The following ABCC1 variants were observed in gnomAD, a reference collection of about 807,000 sequenced individuals.
The protein encoded by ABCC1 is multidrug resistance-associated protein 1.
A neutral mutation model predicts 172.9 loss-of-function variants in ABCC1; 83 were observed. The ratio of observed to expected loss-of-function variants is 0.48; its 90% CI spans 0.40 to 0.58. ABCC1 has a LOEUF of 0.58. Ranked by LOEUF, ABCC1 falls within the 20% of genes least tolerant of loss-of-function variation. ABCC1 has a pLI of 0.00. For synonymous variants in ABCC1, 937 were observed against 825.2 expected (o/e 1.14, Z -2.32); for missense variants, 1,817 against 2,002.7 (o/e 0.91, Z 1.77).
chr16:16,107,072 A>G (rs1370840898), intron 21 of ABCC1, among the ~76,000 whole-genome samples, 199 bp downstream of exon 21: 4 of 152,176 alleles, frequency 2.6e-5, no homozygotes, highest in African/African-American at 2.4e-5. Flanking sequence ...GGTCAGCGGC[A>G]GAACTGGGAT....
At chr16:16,006,892 T>C (rs2047556657) in intron 1 of ABCC1, among the ~76,000 whole-genome samples, 1 of 150,040 alleles carries the variant, frequency 6.7e-6, no homozygotes, top group Non-Finnish European at 1.5e-5. Context: ...ATGGTGGTGG[T>C]GATGGTGGCG....
At chr16:16,097,274 G>A (rs1214031755) in intron 19 of ABCC1, among the ~76,000 whole-genome samples, 17 of 152,074 alleles carry the variant, frequency 1.1e-4, no homozygotes, top group Admixed American at 8.5e-4. Flanking sequence ...CACCACGCCC[G>A]GCTAATTTTT....
rs745766685 is a variant in ABCC1, at chr16:16,134,460, C to G, written c.4077C>G (p.Ala1359=). Residue 1359 remains alanine, a synonymous_variant, in exon 28 of 31, where the codon GCC becomes GCG. Transcript: ENST00000399410. ...TCATCATCGATGGCATCAACATCGC[C>G]AAGATCGGCCTGCACGACCTCCGCT... The part of the protein sequence containing the change: ...GEIIIDGINI[A]KIGLHDLRFK... The G allele has an allele frequency of 1.5e-5, 24 of 1,614,016 alleles. No individual in the cohort carries two copies. The Middle Eastern group carries it at 6.6e-4, about 44-fold the overall frequency.
At position 16,138,866 on chromosome 16, in the gene ABCC1, C is replaced by T. The variant is rs376227297; in HGVS notation, c.4487+308C>T. On this transcript the variant is annotated intron_variant, in intron 30 of 30. Transcript: ENST00000399410. ...CTGGAACTACAGGAATGTGCCACCA[C>T]GCCCATCTAACTTTTATATTTTTAG... 5.2e-4 allele frequency among the ~76,000 whole-genome samples: 79 copies of T among 152,138 alleles called. No homozygotes were observed. In the Middle Eastern group the frequency reaches 0.01, roughly 20 times the overall value.
chr16:16,122,195 G>A, intron 24 of ABCC1, 21 bp downstream of exon 24: 6 of 1,613,420 alleles, frequency 3.7e-6, no homozygotes, highest in Non-Finnish European at 5.1e-6. Context: ...TGGGCCTGCA[G>A]GAGCGGGTGG....
rs1455851312 is a variant in ABCC1 at position 16,036,494 on chromosome 16, C to T, written c.700C>T (p.Gln234Ter). 1 of 1,613,838 alleles carries T rather than the reference C, an allele frequency of 6.2e-7. No individual in the cohort carries two copies. ...ITGLIVRGYR[Q>*]PLEGSDLWSL... is the part of the protein sequence containing the mutation. ...CAGGTTGATTGTCCGGGGCTACCGC[C>T]AGCCCCTGGAGGGCAGTGACCTCTG... Residue 234 changes from glutamine to a stop codon, truncating the protein, a stop_gained, in exon 7 of 31, where the codon CAG (glutamine) becomes TAG (stop). Coordinates refer to ENST00000399410, the MANE Select transcript of ABCC1 (RefSeq NM_004996.4). LOFTEE classifies it high-confidence loss of function.
intron 13 of ABCC1, among the ~76,000 whole-genome samples, chr16:16,069,213 T>TAA (rs3072683): frequency 7.2e-6 from 1 of 139,312 alleles, no homozygotes; most frequent in East Asian, 2.1e-4. Context: ...AATAAATAAA[T>TAA]ATGTTTGAAA....
At chr16:15,950,288 C>T (rs2045838770) in intron 1 of ABCC1, among the ~76,000 whole-genome samples, 1 of 152,102 alleles carries the variant, frequency 6.6e-6, no homozygotes. Context: ...CATTGTCTCC[C>T]CAAAGTTGTC....
intron 20 of ABCC1, among the ~76,000 whole-genome samples, chr16:16,105,131 C>T (rs2052018539): frequency 6.6e-6 from 1 of 152,238 alleles, no homozygotes; most frequent in African/African-American, 2.4e-5. Flanking sequence ...GGTGCCAAGG[C>T]CGAGGAGGCA....
chr16:16,035,813 T>C (rs563404841), intron 6 of ABCC1, among the ~76,000 whole-genome samples: 1 of 151,516 alleles, frequency 6.6e-6, no homozygotes, highest in Non-Finnish European at 1.5e-5. Context: ...CCTTTTTTAA[T>C]TTAAAATTTT....
At chr16:15,990,960 G>A (rs2046850338) in intron 1 of ABCC1, among the ~76,000 whole-genome samples, 1 of 151,982 alleles carries the variant, frequency 6.6e-6, no homozygotes, top group Admixed American at 6.6e-5. Context: ...ACTGCGCCCG[G>A]CCAGGATTTC....
intron 16 of ABCC1, 72 bp from the exon 17 acceptor site, chr16:16,083,294 G>A: frequency 7.4e-6 from 11 of 1,485,780 alleles, no homozygotes; most frequent in Non-Finnish European, 1.0e-5. Context: ...GCAGGCGGGT[G>A]GGCCAGCTGT....
intron 1 of ABCC1, among the ~76,000 whole-genome samples, chr16:16,006,820 G>C (rs1185625060): frequency 1.5e-5 from 2 of 137,022 alleles, no homozygotes; most frequent in African/African-American, 5.2e-5. Context: ...CTGGCATACA[G>C]AACTGCAGTT....
At chr16:16,036,391 G>A (rs944951357) in intron 6 of ABCC1, 81 bp from the exon 7 acceptor site, 64 of 1,354,132 alleles carry the variant, frequency 4.7e-5, no homozygotes, top group Non-Finnish European at 5.6e-5. Flanking sequence ...ATCAGCAGGC[G>A]TGTGGAGTGA....
intron 21 of ABCC1, 149 bp downstream of exon 21, chr16:16,107,022 G>T (rs1347173749): frequency 8.3e-7 from 1 of 1,203,502 alleles, no homozygotes; most frequent in Non-Finnish European, 1.2e-6. Flanking sequence ...ACCAGAAACT[G>T]AGGCCAGAGA....
intron 1 of ABCC1, among the ~76,000 whole-genome samples, chr16:15,974,643 T>G (rs2046444002): frequency 6.6e-6 from 1 of 152,190 alleles, no homozygotes; most frequent in Non-Finnish European, 1.5e-5. Flanking sequence ...CTTCCCAGTT[T>G]CAGAGATGTT....
At chr16:16,019,116 T>A (rs959049846) in intron 5 of ABCC1, among the ~76,000 whole-genome samples, 1 of 152,274 alleles carries the variant, frequency 6.6e-6, no homozygotes, top group Non-Finnish European at 1.5e-5. Flanking sequence ...TGTTTTGTTT[T>A]GTTTTTAGAC....
intron 22 of ABCC1, among the ~76,000 whole-genome samples, chr16:16,114,558 C>A (rs1415907057): frequency 6.6e-6 from 1 of 152,110 alleles, no homozygotes; most frequent in South Asian, 2.1e-4. Flanking sequence ...CCAGGCTGGT[C>A]TCGATCTCCT....
chr16:16,085,246 G>A (rs2050962610), intron 17 of ABCC1, among the ~76,000 whole-genome samples: 1 of 152,128 alleles, frequency 6.6e-6, no homozygotes, highest in Non-Finnish European at 1.5e-5. Context: ...CCCAGCCCCT[G>A]CCCACCTCCA....
Sources: allele counts gnomAD v4.1 joint callset (sites outside exome capture counted in the v4.1 genomes callset), GRCh38; gene constraint gnomAD v4.1.1; transcripts MANE v1.5; gene names NCBI Gene and HGNC (gene_info 2026-07-23, HGNC 2026-07-21).